Variants in DUSP16 observed in about 807,000 individuals in gnomAD.
DUSP16 encodes dual specificity phosphatase 16.
DUSP16 carries 21 observed loss-of-function variants against 58.3 expected under a neutral mutation model. The ratio of observed to expected loss-of-function variants is 0.36; its 90% CI spans 0.26 to 0.52. The LOEUF (loss-of-function observed/expected upper bound fraction) is 0.52, where lower values mean the gene tolerates loss of function less well. DUSP16 is among the 20% of genes least tolerant of loss of function. The pLI, the probability that DUSP16 is intolerant of heterozygous loss-of-function variation, is 0.94. For missense variants in DUSP16, 726 were observed against 819.0 expected (o/e 0.89, Z 1.39); for synonymous variants, 320 against 323.8 (o/e 0.99, Z 0.12).
At chr12:12,512,841 C>T (rs569786561) in intron 3 of DUSP16, among the ~76,000 whole-genome samples, 10 of 152,078 alleles carry the variant, frequency 6.6e-5, no homozygotes, top group African/African-American at 2.2e-4. Flanking sequence ...CTACAGGATT[C>T]GAAATGGAAT....
At chr12:12,542,776 C>CA (rs1944584256) in intron 1 of DUSP16, among the ~76,000 whole-genome samples, 1 of 152,238 alleles carries the variant, frequency 6.6e-6, no homozygotes, top group African/African-American at 2.4e-5. Context: ...ACACGATCCT[C>CA]AATTGGACCC....
At chr12:12,487,711 TACTG>T (rs774293271) in intron 4 of DUSP16, among the ~76,000 whole-genome samples, 3 of 152,324 alleles carry the variant, frequency 2.0e-5, no homozygotes, top group East Asian at 1.9e-4. Context: ...TCCAACTACC[TACTG>T]ACTATCAGGA....
intron 5 of DUSP16, among the ~76,000 whole-genome samples, chr12:12,480,918 C>T (rs758300493): frequency 1.3e-5 from 2 of 152,076 alleles, no homozygotes; most frequent in Non-Finnish European, 2.9e-5. Flanking sequence ...GCGGTTTCAC[C>T]ATGTTGGGCA....
chr12:12,506,256 A>G (rs917591930), intron 3 of DUSP16: 11 of 152,340 alleles, frequency 7.2e-5, no homozygotes, highest in African/African-American at 2.6e-4. Flanking sequence ...AAGTTCTCTT[A>G]CAAACAAGAT....
chr12:12,506,005 C>T (rs1943990211), intron 3 of DUSP16: 1 of 152,216 alleles, frequency 6.6e-6, no homozygotes, highest in African/African-American at 2.4e-5. Flanking sequence ...TCAGCCAGAG[C>T]ACATTTTCAC....
intron 3 of DUSP16, among the ~76,000 whole-genome samples, chr12:12,510,506 C>T (rs906671747): frequency 3.3e-5 from 5 of 152,114 alleles, no homozygotes; most frequent in Non-Finnish European, 7.4e-5. Flanking sequence ...TCCTCTTTGG[C>T]CAACTACACA....
At chr12:12,553,342 C>T (rs1295690308) in intron 1 of DUSP16, among the ~76,000 whole-genome samples, 2 of 152,164 alleles carry the variant, frequency 1.3e-5, no homozygotes, top group Non-Finnish European at 2.9e-5. Flanking sequence ...GGCTCCAATT[C>T]TAGCACCACT....
intron 1 of DUSP16, chr12:12,561,223 A>C (rs905598610): frequency 1.4e-4 from 21 of 152,284 alleles, no homozygotes; most frequent in Non-Finnish European, 2.2e-4. Flanking sequence ...TTTCCTCCCC[A>C]GCTTATTCAT....
chr12:12,483,359 TTTTAC>T (rs1311561769), intron 5 of DUSP16, among the ~76,000 whole-genome samples: 2 of 152,184 alleles, frequency 1.3e-5, no homozygotes, highest in African/African-American at 4.8e-5. Context: ...ACATTATCTA[TTTTAC>T]TTATTTTTAT....
At chr12:12,531,060 A>G (rs1944376661) in intron 1 of DUSP16, among the ~76,000 whole-genome samples, 1 of 152,224 alleles carries the variant, frequency 6.6e-6, no homozygotes. Flanking sequence ...CAGCCCCAGA[A>G]CAACAAAATT....
chr12:12,480,168 T>G (rs1943536778), intron 6 of DUSP16, 55 bp downstream of exon 6: 1 of 1,595,634 alleles, frequency 6.3e-7, no homozygotes, highest in East Asian at 2.2e-5. Flanking sequence ...TCATCATTCT[T>G]TATGTTTCAG....
chr12:12,527,850 C>T (rs968840764), intron 1 of DUSP16, among the ~76,000 whole-genome samples: 4 of 152,210 alleles, frequency 2.6e-5, no homozygotes, highest in Non-Finnish European at 4.4e-5. Context: ...ACATACCACA[C>T]TGTTGAAAGC....
intron 3 of DUSP16, among the ~76,000 whole-genome samples, chr12:12,502,573 C>G (rs1282390462): frequency 8.3e-6 from 1 of 119,794 alleles, no homozygotes; most frequent in Non-Finnish European, 1.8e-5. Context: ...TTTTTTGAGA[C>G]GAAGTTTTGC....
rs773610264 is a variant in DUSP16 at position 12,477,760 on chromosome 12, G to A, written c.1071C>T (p.Pro357=). 16 of 1,612,532 alleles carry A rather than the reference G, an allele frequency of 9.9e-6. No individual in the cohort carries two copies. The highest frequency in any genetic ancestry group is 8.8e-5 in the South Asian group (8 of 91,080). ...SEAAGQRPVH[P]ASVPSVPSVQ... ...CGCTGGGCACGCTGGGCACGCTGGC[G>A]GGATGCACGGGCCTTTGTCCTGCTG... The change falls in exon 7 of 7, where the codon CCC becomes CCT. Residue 357 remains proline (P), a synonymous_variant. Transcript: ENST00000298573. The surrounding 1 kb of genome is among the most constrained non-coding windows in gnomAD (Gnocchi z 4.1).
At position 12,476,237 on chromosome 12, in the gene DUSP16, TGGGTTTGCTCTAA is replaced by T. The variant is rs1256575312; in HGVS notation, c.*583_*595del. 7.9e-5 allele frequency: 12 copies of T among 152,700 alleles called. No homozygotes were observed. The highest frequency in any genetic ancestry group is 1.3e-4 in the Non-Finnish European group (9 of 68,066). 9.5% of individuals were successfully genotyped at this position (152,700 alleles called of 1,614,324 possible). ...GCCCCGACTTTCCTGTCTGAGGTAC[TGGGTTTGCTCTAA>T]GGTAGACCTTGGCAAGGCCCCTAAT... On this transcript the variant is annotated 3_prime_UTR_variant, in exon 7 of 7. Transcript: ENST00000298573.
At chr12:12,547,468 AAAAG>A (rs1333982793) in intron 1 of DUSP16, among the ~76,000 whole-genome samples, 1 of 150,754 alleles carries the variant, frequency 6.6e-6, no homozygotes, top group Non-Finnish European at 1.5e-5. Context: ...AAAAAAAAAA[AAAAG>A]AAAATACATT....
intron 1 of DUSP16, among the ~76,000 whole-genome samples, chr12:12,538,886 T>C (rs1235410468): frequency 6.6e-6 from 1 of 152,366 alleles, no homozygotes; most frequent in East Asian, 1.9e-4. Context: ...CTCCCACCTA[T>C]TGTAAATTCT....
intron 4 of DUSP16, among the ~76,000 whole-genome samples, chr12:12,490,203 C>A (rs1943742277): frequency 6.6e-6 from 1 of 152,166 alleles, no homozygotes; most frequent in African/African-American, 2.4e-5. Flanking sequence ...TAGGCATGAG[C>A]TACTGTATGC....
At chr12:12,561,730 A>G (rs1944907365) in intron 1 of DUSP16, among the ~76,000 whole-genome samples, 1 of 152,008 alleles carries the variant, frequency 6.6e-6, no homozygotes, top group African/African-American at 2.4e-5. Context: ...CCTGGAAGTG[A>G]GCAGCTTCGC....
Sources: allele counts gnomAD v4.1 joint callset (sites outside exome capture counted in the v4.1 genomes callset), GRCh38; gene constraint gnomAD v4.1.1; non-coding constraint Gnocchi (gnomAD v3.1); transcripts MANE v1.5; gene names NCBI Gene and HGNC (gene_info 2026-07-23, HGNC 2026-07-21).